The following PCDH9 variants were observed in gnomAD, a reference collection of about 807,000 sequenced individuals.
PCDH9 encodes the protein protocadherin-9.
PCDH9 carries 24 observed loss-of-function variants against 70.6 expected under a neutral mutation model. The observed-to-expected ratio is 0.34, with a 90% CI of 0.25 to 0.48. PCDH9 has a LOEUF of 0.48. PCDH9 is among the 20% of genes least tolerant of loss of function. The pLI is 0.99. For missense variants in PCDH9, 1,281 were observed against 1,503.6 expected (o/e 0.85, Z 2.45); for synonymous variants, 562 against 558.5 (o/e 1.01, Z -0.09).
Position 67,030,719 on chromosome 13 carries a change from A to G in PCDH9, c.3037-127114T>C, listed in dbSNP as rs2084889023. ...TATCTCCTTAGCACCTTTATCATGAAGGTTGAGGGGCTCATTCCATGTATT... is the reference window on the plus strand; with the variant it reads ...TATCTCCTTAGCACCTTTATCATGAGGGTTGAGGGGCTCATTCCATGTATT... On this transcript the variant is annotated intron_variant, in intron 2 of 4. Transcript: ENST00000377865. 4.6e-5 allele frequency among the ~76,000 whole-genome samples: 7 copies of G among 152,284 alleles called. 1 individual carries two copies. In the South Asian group the frequency reaches 1.4e-3, roughly 32 times the overall value.
At chr13:67,140,451 T>C (rs1459457961) in intron 2 of PCDH9, among the ~76,000 whole-genome samples, 1 of 152,174 alleles carries the variant, frequency 6.6e-6, no homozygotes, top group Non-Finnish European at 1.5e-5. Context: ...AGAATGATAA[T>C]GACAAGTACA....
intron 4 of PCDH9, among the ~76,000 whole-genome samples, chr13:66,606,176 T>C (rs1337027831): frequency 6.6e-6 from 1 of 152,104 alleles, no homozygotes; most frequent in Non-Finnish European, 1.5e-5. Context: ...AGGGAACAAA[T>C]GGCTGGTTCA....
chr13:67,114,049 C>G (rs2086712276), intron 2 of PCDH9, among the ~76,000 whole-genome samples: 1 of 152,078 alleles, frequency 6.6e-6, no homozygotes, highest in African/African-American at 2.4e-5. Context: ...CATTATAACT[C>G]GGCAGAAAAA....
chr13:66,717,329 A>G (rs1040896560), intron 3 of PCDH9, among the ~76,000 whole-genome samples: 15 of 150,642 alleles, frequency 1.0e-4, no homozygotes, highest in African/African-American at 3.7e-4. Context: ...GCTAGTGCCT[A>G]TAATCCCAGC....
intron 2 of PCDH9, among the ~76,000 whole-genome samples, chr13:67,021,585 G>A (rs943811029): frequency 4.0e-5 from 6 of 151,738 alleles, no homozygotes; most frequent in African/African-American, 7.3e-5. Flanking sequence ...CTTTTGAGAC[G>A]GTCTCACTCT....
intron 4 of PCDH9, among the ~76,000 whole-genome samples, chr13:66,471,439 T>A (rs895947038): frequency 1.3e-5 from 2 of 152,330 alleles, no homozygotes; most frequent in African/African-American, 2.4e-5. Flanking sequence ...AAATAAAAGT[T>A]GAGAATAATG....
At chr13:67,099,768 G>A (rs1006900801) in intron 2 of PCDH9, among the ~76,000 whole-genome samples, 4 of 152,132 alleles carry the variant, frequency 2.6e-5, no homozygotes, top group African/African-American at 7.2e-5. Flanking sequence ...AAGAAACAGC[G>A]AGTGAGGAGT....
At chr13:66,849,517 T>TATATATATATATAGAGAGAG (rs1272589939) in intron 3 of PCDH9, among the ~76,000 whole-genome samples, 1 of 63,582 alleles carries the variant, frequency 1.6e-5, no homozygotes, top group Non-Finnish European at 2.6e-5. Context: ...TATATATATA[T>TATATATATATATAGAGAGAG]AGAGAGAGAG....
chr13:66,833,992 G>A (rs1327022904), intron 3 of PCDH9, among the ~76,000 whole-genome samples: 2 of 151,904 alleles, frequency 1.3e-5, no homozygotes, highest in Non-Finnish European at 2.9e-5. Context: ...TGTTTCTATG[G>A]GGAGAAAAAA....
At chr13:66,791,404 T>C (rs974306895) in intron 3 of PCDH9, among the ~76,000 whole-genome samples, 1 of 152,106 alleles carries the variant, frequency 6.6e-6, no homozygotes, top group Non-Finnish European at 1.5e-5. Context: ...AGTAAAATAA[T>C]TTTAGTCCAT....
At chr13:66,630,940 T>C (rs922539622) in intron 4 of PCDH9, among the ~76,000 whole-genome samples, 2 of 152,194 alleles carry the variant, frequency 1.3e-5, no homozygotes, top group African/African-American at 2.4e-5. Flanking sequence ...CATCAGAATA[T>C]CTTGCAACAA....
At chr13:67,066,524 G>C (rs1416511340) in intron 2 of PCDH9, among the ~76,000 whole-genome samples, 1 of 152,126 alleles carries the variant, frequency 6.6e-6, no homozygotes, top group East Asian at 1.9e-4. Context: ...GTGAGCCACC[G>C]CACCCGGCCT....
chr13:66,779,425 C>T (rs1029290528), intron 3 of PCDH9, among the ~76,000 whole-genome samples: 3 of 152,156 alleles, frequency 2.0e-5, no homozygotes, highest in African/African-American at 7.2e-5. Context: ...TAAATCATCT[C>T]ATCTGCCTCA....
At chr13:66,740,918 A>G (rs2079253356) in intron 3 of PCDH9, among the ~76,000 whole-genome samples, 1 of 111,188 alleles carries the variant, frequency 9.0e-6, no homozygotes, top group Non-Finnish European at 1.9e-5. Flanking sequence ...AGGTACAAGG[A>G]GGAACTGGTA....
intron 2 of PCDH9, among the ~76,000 whole-genome samples, chr13:67,139,509 G>C (rs935711850): frequency 3.9e-5 from 6 of 152,128 alleles, no homozygotes; most frequent in Non-Finnish European, 7.4e-5. Flanking sequence ...AACCATTTAG[G>C]AACTTACTTG....
chr13:66,838,259 A>G (rs544806731), intron 3 of PCDH9, among the ~76,000 whole-genome samples: 75 of 152,234 alleles, frequency 4.9e-4, no homozygotes, highest in African/African-American at 1.7e-3. Context: ...CACTGTAGAC[A>G]TTTGAGAAAT....
intron 4 of PCDH9, among the ~76,000 whole-genome samples, chr13:66,535,847 C>T (rs1300104248): frequency 6.6e-6 from 1 of 151,900 alleles, no homozygotes; most frequent in Non-Finnish European, 1.5e-5. Context: ...CATTGGCAGC[C>T]CCCACTATAA....
intron 4 of PCDH9, among the ~76,000 whole-genome samples, chr13:66,446,046 A>G (rs754092385): frequency 1.3e-5 from 2 of 151,890 alleles, no homozygotes; most frequent in Non-Finnish European, 2.9e-5. Context: ...CATTTCTCCA[A>G]AAGTGCAAAA....
chr13:66,513,768 G>T (rs530804260), intron 4 of PCDH9, among the ~76,000 whole-genome samples: 1 of 148,678 alleles, frequency 6.7e-6, no homozygotes, highest in Non-Finnish European at 1.5e-5. Context: ...CTTGAAATAA[G>T]TTGAAGTCAG....
Sources: allele counts gnomAD v4.1 joint callset (sites outside exome capture counted in the v4.1 genomes callset), GRCh38; gene constraint gnomAD v4.1.1; transcripts MANE v1.5; gene names NCBI Gene and HGNC (gene_info 2026-07-23, HGNC 2026-07-21).